The following CSMD1 variants were observed in gnomAD, a reference collection of about 807,000 sequenced individuals.
CSMD1 encodes CUB and sushi domain-containing protein 1.
In CSMD1, 213 loss-of-function variants were observed where a neutral mutation model predicts 417.5. The observed-to-expected ratio is 0.51, with a 90% CI of 0.46 to 0.57. CSMD1 has a LOEUF of 0.57. Ranked by LOEUF, CSMD1 falls within the 20% of genes least tolerant of loss-of-function variation. The pLI, the probability that CSMD1 is intolerant of heterozygous loss-of-function variation, is 0.00. For missense variants in CSMD1, 6,923 were observed against 4,529.7 expected (o/e 1.53, Z -15.17); for synonymous variants, 2,862 against 1,736.8 (o/e 1.65, Z -16.11).
chr8:4,311,616 G>A (rs1435933954), intron 3 of CSMD1, among the ~76,000 whole-genome samples: 4 of 151,660 alleles, frequency 2.6e-5, no homozygotes, highest in African/African-American at 7.3e-5. Context: ...CCAGCTACTT[G>A]GGAAGCTTAG....
chr8:4,143,081 G>C (rs1424264920), intron 3 of CSMD1, among the ~76,000 whole-genome samples: 1 of 150,480 alleles, frequency 6.6e-6, no homozygotes, highest in African/African-American at 2.5e-5. Flanking sequence ...CAAGTTTAGT[G>C]ACATGATATC....
intron 2 of CSMD1, among the ~76,000 whole-genome samples, chr8:4,466,740 C>T (rs561557486): frequency 1.3e-5 from 2 of 152,002 alleles, no homozygotes; most frequent in South Asian, 4.2e-4. Context: ...TACATATTTC[C>T]AATAATACTA....
chr8:4,815,852 G>C (rs1399200601), intron 1 of CSMD1, among the ~76,000 whole-genome samples: 1 of 152,112 alleles, frequency 6.6e-6, no homozygotes, highest in East Asian at 1.9e-4. Flanking sequence ...AAGGGCTGTG[G>C]TTGTTTTAAA....
In CSMD1 at chr8:4,245,774, A is replaced by G. The variant is rs141682720; in HGVS notation, c.415+174179T>C. On this transcript the variant is annotated intron_variant, in intron 3 of 69. Transcript: ENST00000635120. ...GGCCGTATCACCCAACTCTGTTTTC[A>G]TATTTCCTATTTTCTTAACAAAATT... is the stretch of plus-strand genomic sequence containing the variant. Among the ~76,000 whole-genome samples, 7 of 152,286 alleles carry G rather than the reference A, an allele frequency of 4.6e-5. 1 individual carries two copies. Among genetic ancestry groups the G allele is most frequent in the African/African-American group, 1.4e-4 (6 of 41,572 alleles).
At chr8:3,813,952 G>C (rs566140116) in intron 5 of CSMD1, among the ~76,000 whole-genome samples, 2 of 152,170 alleles carry the variant, frequency 1.3e-5, no homozygotes, top group Non-Finnish European at 2.9e-5. Flanking sequence ...TCTGAGAAAT[G>C]TAAGACCCTG....
chr8:3,010,152 G>C (rs1808270164), intron 52 of CSMD1, among the ~76,000 whole-genome samples: 1 of 152,158 alleles, frequency 6.6e-6, no homozygotes, highest in African/African-American at 2.4e-5. Context: ...CCCAAAGGAA[G>C]AGCTGCCCAT....
At chr8:3,827,548 T>C (rs928748243) in intron 5 of CSMD1, among the ~76,000 whole-genome samples, 1 of 152,214 alleles carries the variant, frequency 6.6e-6, no homozygotes, top group African/African-American at 2.4e-5. Context: ...ATTCCTGAAA[T>C]GTTTTCTGCT....
intron 1 of CSMD1, among the ~76,000 whole-genome samples, chr8:4,854,706 G>A (rs113379523): frequency 0.11 from 16,841 of 152,086 alleles, 1,051 homozygotes; most frequent in East Asian, 0.25. Context: ...CTTTTCCGAC[G>A]GGCTTAAAAA....
intron 1 of CSMD1, among the ~76,000 whole-genome samples, chr8:4,922,115 G>C (rs893631538): frequency 6.6e-6 from 1 of 152,164 alleles, no homozygotes; most frequent in African/African-American, 2.4e-5. Context: ...TCACTCTGGT[G>C]AGATTACCCA....
intron 25 of CSMD1, among the ~76,000 whole-genome samples, chr8:3,296,394 G>C (rs957046336): frequency 6.6e-6 from 1 of 152,106 alleles, no homozygotes; most frequent in Non-Finnish European, 1.5e-5. Context: ...GAGCAGAGAA[G>C]AATGGGGGTT....
chr8:4,020,822 A>C (rs74875066), intron 4 of CSMD1, among the ~76,000 whole-genome samples: 218 of 152,360 alleles, frequency 1.4e-3, no homozygotes, highest in African/African-American at 5.0e-3. Context: ...AGATTAATCA[A>C]GAGTTAGCTC....
At position 4,438,683 on chromosome 8, in the gene CSMD1, C is replaced by T. The variant is rs151206525; in HGVS notation, c.303-18618G>A. Among the ~76,000 whole-genome samples the T allele has an allele frequency of 1.7e-3, 264 of 152,342 alleles. 1 individual carries two copies. Among genetic ancestry groups the T allele is most frequent in the African/African-American group, 6.1e-3 (254 of 41,578 alleles). On this transcript the variant is annotated intron_variant, in intron 2 of 69. Transcript: ENST00000635120. ...ATTCCTGCAGGTAGAGCCACTTATG[C>T]AAACTCTTGCGGCCTTCATACTCAG...
At chr8:3,966,715 A>C (rs1329365962) in intron 5 of CSMD1, among the ~76,000 whole-genome samples, 2 of 147,232 alleles carry the variant, frequency 1.4e-5, no homozygotes, top group Non-Finnish European at 3.0e-5. Context: ...GGCAGGCTGC[A>C]GGCATTCACA....
intron 1 of CSMD1, among the ~76,000 whole-genome samples, chr8:4,687,569 G>A (rs192794631): frequency 6.6e-6 from 1 of 152,218 alleles, no homozygotes; most frequent in East Asian, 1.9e-4. Flanking sequence ...AATTTTATAG[G>A]AGCATCACAA....
chr8:4,068,859 A>G (rs1799396772), intron 3 of CSMD1, among the ~76,000 whole-genome samples: 1 of 152,190 alleles, frequency 6.6e-6, no homozygotes, highest in South Asian at 2.1e-4. Context: ...CAGCTCCACC[A>G]TCTAGTTAGG....
At chr8:3,675,200 A>G (rs932946302) in intron 7 of CSMD1, among the ~76,000 whole-genome samples, 11 of 152,092 alleles carry the variant, frequency 7.2e-5, no homozygotes. Context: ...TCCTCACAGA[A>G]GGCCTGACCA....
At chr8:4,870,945 T>C (rs892093691) in intron 1 of CSMD1, among the ~76,000 whole-genome samples, 9 of 152,112 alleles carry the variant, frequency 5.9e-5, no homozygotes, top group Admixed American at 2.0e-4. Context: ...TGGAGCCTCA[T>C]TCAAATCCCC....
chr8:4,668,256 A>G (rs1805063259), intron 1 of CSMD1, among the ~76,000 whole-genome samples: 1 of 151,906 alleles, frequency 6.6e-6, no homozygotes, highest in South Asian at 2.1e-4. Flanking sequence ...CCCAAACCAC[A>G]AACCCAAATC....
chr8:3,067,527 T>C (rs1435237531), intron 49 of CSMD1, among the ~76,000 whole-genome samples: 1 of 151,858 alleles, frequency 6.6e-6, no homozygotes, highest in Non-Finnish European at 1.5e-5. Context: ...AATCAGAATT[T>C]AAACCCCAGT....
Sources: gnomAD v4.1 joint callset for allele counts (sites outside exome capture counted in the v4.1 genomes callset) on GRCh38, gnomAD v4.1.1 for gene constraint, MANE v1.5 for transcripts, NCBI Gene and HGNC (gene_info 2026-07-23, HGNC 2026-07-21) for gene names.